Variants in NCALD observed in about 807,000 individuals in gnomAD.
The protein encoded by NCALD is neurocalcin-delta.
A neutral mutation model predicts 18.6 loss-of-function variants in NCALD; 10 were observed. The observed-to-expected ratio is 0.54, with a 90% CI of 0.33 to 0.91. NCALD has a LOEUF of 0.91. Among genes scored for constraint, NCALD ranks in the 40% least tolerant of loss-of-function variants. NCALD has a pLI of 0.03. For synonymous variants in NCALD, 88 were observed against 87.4 expected (o/e 1.01, Z -0.04); for missense variants, 184 against 247.6 (o/e 0.74, Z 1.72).
At chr8:101,784,063 C>T (rs1258345342) in intron 1 of NCALD, among the ~76,000 whole-genome samples, 1 of 152,054 alleles carries the variant, frequency 6.6e-6, no homozygotes, top group Non-Finnish European at 1.5e-5. Flanking sequence ...ACAGTAACAA[C>T]TTTTATTTTG....
chr8:101,802,162 GGTGATCA>G (rs1230507168), intron 4 of NCALD, among the ~76,000 whole-genome samples: 2 of 151,952 alleles, frequency 1.3e-5, no homozygotes, highest in African/African-American at 4.8e-5. Context: ...CATCTGTTAT[GGTGATCA>G]GTAATCAGTA....
chr8:102,115,337 A>T (rs1172479952), intron 1 of NCALD, among the ~76,000 whole-genome samples: 1 of 152,176 alleles, frequency 6.6e-6, no homozygotes, highest in African/African-American at 2.4e-5. Flanking sequence ...CTCTCTTTTA[A>T]AGTCAAACTG....
chr8:101,859,272 C>T lies in NCALD; in HGVS notation c.-20+27869G>A, dbSNP rs145032922. On this transcript the variant is annotated intron_variant, in intron 4 of 6. Coordinates refer to the NCALD transcript ENST00000311028. ...TCTTAGACTTACACCAGTGATTTGC[C>T]AGGGCCTCTTGGGCCTTCAGCCACA... 8.6e-3 allele frequency among the ~76,000 whole-genome samples: 1,308 copies of T among 152,290 alleles called. 9 individuals are homozygous for T. Among genetic ancestry groups the T allele is most frequent in the Non-Finnish European group, 0.013 (882 of 68,018 alleles).
At chr8:101,980,380 T>C (rs527427754) in intron 2 of NCALD, among the ~76,000 whole-genome samples, 2 of 152,304 alleles carry the variant, frequency 1.3e-5, no homozygotes, top group South Asian at 4.2e-4. Context: ...TATGTCACAG[T>C]TAAGCAAGGA....
At chr8:101,924,690 C>T (rs1818278581) in intron 2 of NCALD, among the ~76,000 whole-genome samples, 1 of 152,184 alleles carries the variant, frequency 6.6e-6, no homozygotes, top group Non-Finnish European at 1.5e-5. Flanking sequence ...TGTTGGTCTG[C>T]AGTGAAAAAC....
chr8:101,959,532 T>TTATA (rs1819759758), intron 2 of NCALD, among the ~76,000 whole-genome samples: 1 of 152,168 alleles, frequency 6.6e-6, no homozygotes, highest in South Asian at 2.1e-4. Flanking sequence ...TTTATTTATA[T>TTATA]TACTGTGAAC....
At chr8:101,899,239 A>G (rs929187345) in intron 3 of NCALD, among the ~76,000 whole-genome samples, 1 of 152,010 alleles carries the variant, frequency 6.6e-6, no homozygotes, top group African/African-American at 2.4e-5. Context: ...TTTATCTTAC[A>G]TCCTGCAACC....
intron 2 of NCALD, among the ~76,000 whole-genome samples, chr8:101,715,191 T>C (rs1410643890): frequency 6.6e-6 from 1 of 152,166 alleles, no homozygotes; most frequent in Non-Finnish European, 1.5e-5. Flanking sequence ...TACAACCATC[T>C]GATCTTTGAC....
Position 102,112,300 on chromosome 8 carries a change from A to T in NCALD, c.-210+11937T>A, listed in dbSNP as rs111278363. Among the ~76,000 whole-genome samples, 1,331 of 152,178 alleles carry T rather than the reference A, an allele frequency of 8.7e-3. 13 individuals carry two copies. Among genetic ancestry groups the T allele is most frequent in the African/African-American group, 0.029 (1,218 of 41,510 alleles). On this transcript the variant is annotated intron_variant, in intron 1 of 6. Transcript: ENST00000311028. ...AGGTACTATTATTGCTTCCGTTGTCACCTGAAGATACAAGCTCCAGGGGCC... is the reference window on the plus strand; with the variant it reads ...AGGTACTATTATTGCTTCCGTTGTCTCCTGAAGATACAAGCTCCAGGGGCC...
At chr8:101,710,164 T>C (rs2130301475) in intron 2 of NCALD, among the ~76,000 whole-genome samples, 1 of 152,226 alleles carries the variant, frequency 6.6e-6, no homozygotes, top group East Asian at 1.9e-4. Context: ...ACCTGGGAAG[T>C]GCAAGGGGTT....
At chr8:101,931,762 G>T (rs73290551) in intron 2 of NCALD, among the ~76,000 whole-genome samples, 1 of 152,030 alleles carries the variant, frequency 6.6e-6, no homozygotes, top group African/African-American at 2.4e-5. Context: ...CAGTGGCCCT[G>T]CAAAGCACTC....
rs550351866 is a variant in NCALD at position 102,059,811 on chromosome 8, T to C, written c.-209-39522A>G. 3.9e-5 allele frequency among the ~76,000 whole-genome samples: 6 copies of C among 152,308 alleles called. No homozygotes were observed. In the South Asian group the frequency reaches 1.2e-3, roughly 32 times the overall value. Reference sequence around the variant, plus strand: ...AAGTGACAGATTTTGGGGTTCTTGGTGCCTTTTAACTATCTAAAGATAGGG... The same window carrying C: ...AAGTGACAGATTTTGGGGTTCTTGGCGCCTTTTAACTATCTAAAGATAGGG... On this transcript the variant is annotated intron_variant, in intron 1 of 6. Coordinates refer to the NCALD transcript ENST00000311028.
At chr8:101,923,527 A>G (rs1275302292) in intron 2 of NCALD, among the ~76,000 whole-genome samples, 1 of 152,250 alleles carries the variant, frequency 6.6e-6, no homozygotes, top group African/African-American at 2.4e-5. Context: ...ATCTATGTCA[A>G]GTTGGTCCTA....
In NCALD at chr8:101,892,751, G is replaced by T. The variant is rs939930123; in HGVS notation, c.-106-5524C>A. Among the ~76,000 whole-genome samples the T allele has an allele frequency of 3.5e-3, 513 of 148,492 alleles. 6 individuals are homozygous for T. The highest frequency in any genetic ancestry group is 0.012 in the African/African-American group (470 of 38,172). Reference sequence around the variant, plus strand: ...CAGGAGCTGATGCGATCAACTGGAAGAAAGGGTATCAGCAATGGAAGATGA... The same window carrying T: ...CAGGAGCTGATGCGATCAACTGGAATAAAGGGTATCAGCAATGGAAGATGA... On this transcript the variant is annotated intron_variant, in intron 3 of 6. Coordinates refer to the NCALD transcript ENST00000311028.
rs1814535826 is a variant in NCALD at position 101,687,871 on chromosome 8, A to G, written c.*1438T>C. 6.6e-6 allele frequency: 1 copy of G among 152,216 alleles called. No individual in the cohort carries two copies. The highest frequency in any genetic ancestry group is 1.5e-5 in the Non-Finnish European group (1 of 68,052). The allele number at this position is 152,216 out of a possible 1,614,324, so 9.4% of individuals were successfully genotyped here. On this transcript the variant is annotated 3_prime_UTR_variant, in exon 4 of 4. Transcript: ENST00000220931. ...AACAGCAACTCAGACTTGTGCTGTC[A>G]CTTCTGGAAATAGAAGTCTGCATTC...
chr8:101,728,201 T>C (rs1435789494), intron 1 of NCALD, among the ~76,000 whole-genome samples: 2 of 152,184 alleles, frequency 1.3e-5, no homozygotes, highest in Admixed American at 1.3e-4. Context: ...TGGTGGCTAG[T>C]GAACAGGCTT....
At chr8:101,880,281 A>G (rs373680103) in intron 4 of NCALD, among the ~76,000 whole-genome samples, 2 of 152,100 alleles carry the variant, frequency 1.3e-5, no homozygotes, top group East Asian at 3.9e-4. Flanking sequence ...AGCACTGGCC[A>G]GCCGCTCGGA....
intron 2 of NCALD, among the ~76,000 whole-genome samples, chr8:101,953,494 C>G (rs950233458): frequency 6.6e-5 from 10 of 152,304 alleles, no homozygotes; most frequent in African/African-American, 2.2e-4. Flanking sequence ...AGATGACAAG[C>G]AATTATCAAA....
intron 1 of NCALD, among the ~76,000 whole-genome samples, chr8:102,040,174 A>G (rs1199006878): frequency 6.6e-6 from 1 of 152,160 alleles, no homozygotes; most frequent in Admixed American, 6.5e-5. Flanking sequence ...GTTTATTGCT[A>G]TTTTTATCAA....
Sources: allele counts gnomAD v4.1 joint callset (sites outside exome capture counted in the v4.1 genomes callset), GRCh38; gene constraint gnomAD v4.1.1; transcripts MANE v1.5; gene names NCBI Gene and HGNC (gene_info 2026-07-23, HGNC 2026-07-21).